The following SARNP variants were observed in gnomAD, a reference collection of about 807,000 sequenced individuals.
The protein encoded by SARNP is SAP domain containing ribonucleoprotein.
SARNP carries 5 observed loss-of-function variants against 38.1 expected under a neutral mutation model. That is an observed-to-expected ratio of 0.13 (90% CI 0.07 to 0.28). The LOEUF (loss-of-function observed/expected upper bound fraction) is 0.28, where lower values mean the gene tolerates loss of function less well. Among genes scored for constraint, SARNP ranks in the 10% least tolerant of loss-of-function variants. The probability of loss-of-function intolerance (pLI) is 1.00; values close to 1 mark genes in which losing one functional copy is unlikely to be tolerated. For missense variants in SARNP, 180 were observed against 243.9 expected (o/e 0.74, Z 1.75); for synonymous variants, 84 against 80.6 (o/e 1.04, Z -0.23).
In SARNP at chr12:55,800,557, A is replaced by C. The variant is rs777199286; in HGVS notation, c.251+5T>G. ...GTACTCAGATTATAAAAAAGGGATA[A>C]TTACACATCAACAGTTTTTTCAGGG... is the stretch of plus-strand genomic sequence containing the variant. On this transcript the variant is annotated splice_donor_5th_base_variant and intron_variant, in intron 4 of 10. Transcript: ENST00000336133. 6.3e-7 allele frequency: 1 copy of C among 1,587,918 alleles called. No individual in the cohort carries two copies. The highest frequency in any genetic ancestry group is 2.2e-5 in the East Asian group (1 of 44,736).
At chr12:55,765,509 ATT>A (rs775918963) in intron 9 of SARNP, among the ~76,000 whole-genome samples, 1,474 of 144,590 alleles carry the variant, frequency 0.01, 24 homozygotes, top group African/African-American at 0.035. Flanking sequence ...TGCCTGGCTA[ATT>A]TTTTTTTTTT....
At chr12:55,804,704 T>TTA (rs1323770364) in intron 1 of SARNP, among the ~76,000 whole-genome samples, 5 of 152,212 alleles carry the variant, frequency 3.3e-5, no homozygotes, top group Admixed American at 3.3e-4. Flanking sequence ...TACTCTTATT[T>TTA]TACGAAGCAC....
At chr12:55,812,047 T>C (rs374746098) in intron 1 of SARNP, among the ~76,000 whole-genome samples, 1 of 152,170 alleles carries the variant, frequency 6.6e-6, no homozygotes, top group Non-Finnish European at 1.5e-5. Context: ...ACATCATCCA[T>C]TGGTTTCGTA....
chr12:55,756,528 C>T (rs920778863), downstream of SARNP: 3 of 152,106 alleles, frequency 2.0e-5, no homozygotes, highest in African/African-American at 7.2e-5. Flanking sequence ...GATCATAGTA[C>T]CAAAGTCTTC....
chr12:55,777,114 T>C (rs1482730156), intron 9 of SARNP, among the ~76,000 whole-genome samples: 1 of 151,242 alleles, frequency 6.6e-6, no homozygotes, highest in African/African-American at 2.4e-5. Context: ...TAGAAAAGAG[T>C]TTTTTCTTAC....
At chr12:55,808,270 GC>G (rs201144126) in intron 1 of SARNP, among the ~76,000 whole-genome samples, 2,927 of 152,070 alleles carry the variant, frequency 0.019, 49 homozygotes, top group African/African-American at 0.049. Context: ...ACAGCTTTGA[GC>G]CCCGGAGTTC....
intron 9 of SARNP, among the ~76,000 whole-genome samples, chr12:55,779,651 A>C (rs1383676019): frequency 1.3e-5 from 2 of 152,116 alleles, no homozygotes; most frequent in South Asian, 2.1e-4. Context: ...GCCATACTTA[A>C]ACTAAGAAAT....
At chr12:55,806,188 C>T (rs939666005) in intron 1 of SARNP, among the ~76,000 whole-genome samples, 3 of 151,970 alleles carry the variant, frequency 2.0e-5, no homozygotes, top group African/African-American at 7.3e-5. Flanking sequence ...AACTTCACCT[C>T]TCTATGCCTC....
chr12:55,789,627 A>C (rs560703642), intron 8 of SARNP, among the ~76,000 whole-genome samples: 2 of 152,314 alleles, frequency 1.3e-5, no homozygotes, highest in African/African-American at 4.8e-5. Flanking sequence ...AAACCTTGGT[A>C]CATGGACTTG....
intron 7 of SARNP, chr12:55,792,820 G>T (rs1208314033): frequency 6.6e-6 from 1 of 152,010 alleles, no homozygotes; most frequent in Non-Finnish European, 1.5e-5. Context: ...AAGTAGCTGG[G>T]ACTACAAACA....
At chr12:55,783,242 A>C (rs1879391402) in intron 9 of SARNP, among the ~76,000 whole-genome samples, 1 of 151,872 alleles carries the variant, frequency 6.6e-6, no homozygotes, top group South Asian at 2.1e-4. Context: ...ACAAGACAGA[A>C]AACCTAGCTG....
chr12:55,786,093 AG>A, intron 9 of SARNP, among the ~76,000 whole-genome samples: 1 of 152,354 alleles, frequency 6.6e-6, no homozygotes, highest in Non-Finnish European at 1.5e-5. Flanking sequence ...AAATGAAAAA[AG>A]GTCAAACAAA....
At chr12:55,774,558 TGAAAAA>T (rs1879107401) in intron 9 of SARNP, among the ~76,000 whole-genome samples, 1 of 40,488 alleles carries the variant, frequency 2.5e-5, no homozygotes, top group African/African-American at 4.5e-5. Context: ...CCGTCTCTAC[TGAAAAA>T]AAAAAAAAAA....
At chr12:55,817,440 G>A (rs1880527504) in intron 1 of SARNP, among the ~76,000 whole-genome samples, 1 of 152,214 alleles carries the variant, frequency 6.6e-6, no homozygotes, top group Non-Finnish European at 1.5e-5. Flanking sequence ...ACGATACAAT[G>A]ATGAAGGAAG....
intron 9 of SARNP, among the ~76,000 whole-genome samples, chr12:55,787,385 C>T (rs900789469): frequency 7.9e-5 from 12 of 152,056 alleles, no homozygotes; most frequent in African/African-American, 2.9e-4. Context: ...AGGTAAGTTT[C>T]TTCCAATGGC....
Position 55,794,349 on chromosome 12 carries a change from G to A in SARNP, c.406+10C>T. ...AGGTAACTTTCTCAGAAGTATCTCT[G>A]TACTCTTACCTTTTGTTGGAACTGA... On this transcript the variant is annotated intron_variant, in intron 7 of 10. Transcript: ENST00000336133. The A allele has an allele frequency of 6.2e-7, 1 of 1,604,716 alleles. No homozygotes were observed. The highest frequency in any genetic ancestry group is 8.5e-7 in the Non-Finnish European group (1 of 1,174,594).
At chr12:55,781,442 G>A (rs190328184) in intron 9 of SARNP, among the ~76,000 whole-genome samples, 7 of 151,644 alleles carry the variant, frequency 4.6e-5, no homozygotes, top group African/African-American at 1.2e-4. Context: ...GTCAAGGCAG[G>A]AGAATTGCTT....
At chr12:55,776,886 C>T (rs1256402557) in intron 9 of SARNP, among the ~76,000 whole-genome samples, 1 of 152,144 alleles carries the variant, frequency 6.6e-6, no homozygotes, top group Non-Finnish European at 1.5e-5. Flanking sequence ...ACAACTGAAC[C>T]AGTTTGTCTG....
At chr12:55,755,492 G>C (rs1002420374), downstream of SARNP, 1 of 152,216 alleles carries the variant, frequency 6.6e-6, no homozygotes, top group Non-Finnish European at 1.5e-5. Flanking sequence ...TCAGGAATTG[G>C]AATCAGTTAA....
Sources: gnomAD v4.1 joint callset for allele counts (sites outside exome capture counted in the v4.1 genomes callset) on GRCh38, gnomAD v4.1.1 for gene constraint, MANE v1.5 for transcripts, NCBI Gene and HGNC (gene_info 2026-07-23, HGNC 2026-07-21) for gene names.